Variants in NCOR1 observed in about 807,000 individuals in gnomAD.
NCOR1 encodes protein phosphatase 1, regulatory subunit 109.
NCOR1 carries 63 observed loss-of-function variants against 288.1 expected under a neutral mutation model. That is an observed-to-expected ratio of 0.22 (90% CI 0.18 to 0.27). The LOEUF (loss-of-function observed/expected upper bound fraction) is 0.27. NCOR1 is among the 10% of genes least tolerant of loss of function. NCOR1 has a pLI of 1.00. For synonymous variants in NCOR1, 1,007 were observed against 1,065.9 expected (o/e 0.94, Z 1.08); for missense variants, 2,397 against 3,019.2 (o/e 0.79, Z 4.83).
At chr17:16,069,933 T>C (rs765552517) in intron 31 of NCOR1, among the ~76,000 whole-genome samples, 4 of 152,168 alleles carry the variant, frequency 2.6e-5, no homozygotes, top group Non-Finnish European at 5.9e-5. Context: ...ACTTACTCTA[T>C]AGCATTTCTG....
Position 16,061,971 on chromosome 17 carries a change from A to G in NCOR1, c.5388-77T>C. 3.2e-6 allele frequency: 5 copies of G among 1,564,644 alleles called. No individual in the cohort carries two copies. In the South Asian group the frequency reaches 4.9e-5, roughly 15 times the overall value. ...AATGTGGTGGGGAGATGGAAGGACA[A>G]ACTGCAACAACAACAAAAAAAGCCT... On this transcript the variant is annotated intron_variant, in intron 36 of 45. Transcript: ENST00000268712.
intron 20 of NCOR1, among the ~76,000 whole-genome samples, chr17:16,100,266 TATC>T (rs2067372301): frequency 6.6e-6 from 1 of 152,222 alleles, no homozygotes; most frequent in African/African-American, 2.4e-5. Flanking sequence ...GTAAAATATA[TATC>T]TTTTACTGTA....
chr17:16,169,044 A>G (rs1419592523), intron 4 of NCOR1, among the ~76,000 whole-genome samples: 1 of 152,228 alleles, frequency 6.6e-6, no homozygotes, highest in Non-Finnish European at 1.5e-5. Flanking sequence ...AATTGATTAA[A>G]TAATTTTATT....
chr17:16,210,196 C>A (rs1332711715), intron 1 of NCOR1, among the ~76,000 whole-genome samples: 8 of 151,944 alleles, frequency 5.3e-5, no homozygotes, highest in Non-Finnish European at 4.4e-5. Flanking sequence ...TCAGCCTGAC[C>A]AATATGGAGA....
At chr17:16,044,766 T>G (rs1237468769) in intron 42 of NCOR1, 2 of 894,934 alleles carry the variant, frequency 2.2e-6, no homozygotes, top group Admixed American at 3.4e-5. Flanking sequence ...TTGTTTGCAA[T>G]GGCCCTGGCC....
intron 6 of NCOR1, 142 bp from the exon 7 acceptor site, chr17:16,153,537 G>T: frequency 2.1e-6 from 1 of 476,844 alleles, no homozygotes. Flanking sequence ...TATATGACAG[G>T]CTGAAATATG....
intron 14 of NCOR1, among the ~76,000 whole-genome samples, chr17:16,127,618 T>C (rs1445173922): frequency 2.0e-5 from 3 of 146,826 alleles, no homozygotes; most frequent in Middle Eastern, 3.6e-3. Flanking sequence ...TATGTGTATG[T>C]GTATATATAC....
At chr17:16,201,614 T>C (rs886108820) in intron 1 of NCOR1, among the ~76,000 whole-genome samples, 2 of 151,994 alleles carry the variant, frequency 1.3e-5, no homozygotes, top group Non-Finnish European at 2.9e-5. Context: ...TAATAATAAA[T>C]ACATAATTCT....
At chr17:16,127,697 ATGTATATATGTG>A (rs2074914058) in intron 14 of NCOR1, among the ~76,000 whole-genome samples, 1 of 141,056 alleles carries the variant, frequency 7.1e-6, no homozygotes, top group Non-Finnish European at 1.5e-5. Flanking sequence ...ATATACATAT[ATGTATATATGTG>A]TGTGTATATA....
chr17:16,188,170 C>A (rs2087149802), intron 2 of NCOR1, among the ~76,000 whole-genome samples: 1 of 152,002 alleles, frequency 6.6e-6, no homozygotes, highest in African/African-American at 2.4e-5. Context: ...TTTTAAAAAT[C>A]ATAAACAGAT....
chr17:16,169,235 T>C (rs1320214334), intron 4 of NCOR1, among the ~76,000 whole-genome samples: 2 of 152,044 alleles, frequency 1.3e-5, no homozygotes, highest in East Asian at 1.9e-4. Flanking sequence ...CACTGCCTTA[T>C]GGGTTAGCCC....
At chr17:16,071,305 C>T (rs1406589556) in intron 30 of NCOR1, 104 bp downstream of exon 30, 30 of 1,461,246 alleles carry the variant, frequency 2.1e-5, no homozygotes, top group Admixed American at 4.5e-5. Context: ...TGTTTACTTC[C>T]AGGAGGTCTG....
At chr17:16,131,824 T>C (rs112200642) in intron 14 of NCOR1, among the ~76,000 whole-genome samples, 6 of 152,198 alleles carry the variant, frequency 3.9e-5, no homozygotes, top group African/African-American at 9.7e-5. Context: ...CTACCATTTA[T>C]TGGGCACTCT....
rs71353779 is a variant in NCOR1, at chr17:16,199,204, G to GAAAAA, written c.-70-4570_-70-4566dup. Among the ~76,000 whole-genome samples, 74 of 99,828 alleles carry GAAAAA rather than the reference G, an allele frequency of 7.4e-4. 2 individuals are homozygous for GAAAAA. Among genetic ancestry groups the GAAAAA allele is most frequent in the Middle Eastern group, 5.6e-3 (1 of 178 alleles). The allele number at this position is 99,828 out of a possible 152,430, so 65.5% of individuals were successfully genotyped here. A position where few individuals can be genotyped will look rare whatever the true frequency, so the allele number is the denominator to read the frequency against. On this transcript the variant is annotated intron_variant, in intron 1 of 45. Transcript: ENST00000268712. ...AAGTACTATCCGCCCAATACAGAAG[G>GAAAAA]AAAAAAAAAAAAACACACACACACA...
intron 22 of NCOR1, among the ~76,000 whole-genome samples, chr17:16,089,571 T>C (rs1478466200): frequency 1.3e-5 from 2 of 152,100 alleles, no homozygotes; most frequent in Non-Finnish European, 2.9e-5. Flanking sequence ...GGACAACAAG[T>C]GCTGCCTGTT....
intron 18 of NCOR1, among the ~76,000 whole-genome samples, chr17:16,110,213 C>G (rs990636453): frequency 6.6e-6 from 1 of 151,998 alleles, no homozygotes; most frequent in Non-Finnish European, 1.5e-5. Context: ...AAAATTAGCT[C>G]TGTGTGCTGG....
chr17:16,118,084 A>C (rs2072084887), intron 17 of NCOR1, 57 bp from the exon 18 acceptor site: 1 of 1,542,072 alleles, frequency 6.5e-7, no homozygotes, highest in Non-Finnish European at 8.8e-7. Flanking sequence ...CAAGCAAACA[A>C]GAGAAATAAT....
intron 20 of NCOR1, chr17:16,098,700 T>G (rs558094617): frequency 3.3e-5 from 13 of 389,190 alleles, no homozygotes; most frequent in African/African-American, 2.3e-4. Flanking sequence ...AGAAACTGAA[T>G]ATCGTACTCA....
At chr17:16,061,943 G>T in intron 36 of NCOR1, 49 bp from the exon 37 acceptor site, 1 of 1,568,976 alleles carries the variant, frequency 6.4e-7, no homozygotes, top group South Asian at 1.2e-5. Flanking sequence ...ACCATTTGCT[G>T]GGAATGTGGT....
Sources: gnomAD v4.1 joint callset for allele counts (sites outside exome capture counted in the v4.1 genomes callset) on GRCh38, gnomAD v4.1.1 for gene constraint, MANE v1.5 for transcripts, NCBI Gene and HGNC (gene_info 2026-07-23, HGNC 2026-07-21) for gene names.